The following AK9 variants were observed in gnomAD, a reference collection of about 807,000 sequenced individuals.
AK9 encodes adenylate kinase 9, also known as adenylate kinase domain containing 1.
A neutral mutation model predicts 239.6 loss-of-function variants in AK9; 191 were observed. The ratio of observed to expected loss-of-function variants is 0.80; its 90% CI spans 0.71 to 0.90. AK9 has a LOEUF of 0.90. Among genes scored for constraint, AK9 ranks in the 40% least tolerant of loss-of-function variants. AK9 has a pLI of 0.00. For synonymous variants in AK9, 689 were observed against 721.0 expected (o/e 0.96, Z 0.71); for missense variants, 1,995 against 2,214.7 (o/e 0.90, Z 1.99).
chr6:109,620,230 T>A (rs1005143328), intron 12 of AK9, among the ~76,000 whole-genome samples: 1 of 152,040 alleles, frequency 6.6e-6, no homozygotes, highest in Non-Finnish European at 1.5e-5. Context: ...TAATAAACCA[T>A]CAAACTGTTT....
intron 19 of AK9, among the ~76,000 whole-genome samples, chr6:109,582,902 C>T (rs966559902): frequency 5.3e-5 from 8 of 152,250 alleles, no homozygotes; most frequent in South Asian, 2.1e-4. Flanking sequence ...CTACCCTTAT[C>T]GGTCAGCAGC....
chr6:109,599,211 T>C (rs903762641), intron 17 of AK9, among the ~76,000 whole-genome samples: 1 of 152,246 alleles, frequency 6.6e-6, no homozygotes, highest in South Asian at 2.1e-4. Flanking sequence ...GTTTTAGGTC[T>C]AACATTTAAG....
intron 20 of AK9, 108 bp downstream of exon 20, chr6:109,579,442 G>C: frequency 9.2e-7 from 1 of 1,086,348 alleles, no homozygotes; most frequent in South Asian, 1.6e-5. Context: ...GGCTCTCATG[G>C]ACAAATTGGG....
chr6:109,603,501 T>A (rs1343951840), intron 17 of AK9, among the ~76,000 whole-genome samples: 1 of 152,144 alleles, frequency 6.6e-6, no homozygotes, highest in Non-Finnish European at 1.5e-5. Context: ...TGCCTCCCAG[T>A]TAGGCTACTT....
At chr6:109,624,773 A>T (rs935769543) in intron 12 of AK9, among the ~76,000 whole-genome samples, 19 of 152,302 alleles carry the variant, frequency 1.2e-4, no homozygotes, top group African/African-American at 4.6e-4. Flanking sequence ...AATTTTCTGC[A>T]GTTATCTCTT....
Position 109,644,676 on chromosome 6 carries a change from C to G in AK9, c.772G>C (p.Glu258Gln). ...ILQTLEEVMAEHNPQYLIELN... is the reference protein window; with the variant it reads ...ILQTLEEVMAQHNPQYLIELN... ...TCAATGAGATACTGGGGATTGTGTT[C>G]AGCCATTACTTCCTGCAGATAATAG... Residue 258 changes from glutamate to glutamine, a missense_variant, in exon 9 of 41, where the codon GAA (glutamate) becomes CAA (glutamine). This residue lies in a region of AK9 where 1,290 missense variants were observed against 1,392.7 expected (regional missense o/e 0.93). Coordinates refer to ENST00000424296, the MANE Select transcript of AK9 (RefSeq NM_001145128.3). 6.2e-7 allele frequency: 1 copy of G among 1,612,020 alleles called. No homozygotes were observed. Among genetic ancestry groups the G allele is most frequent in the Non-Finnish European group, 8.5e-7 (1 of 1,179,556 alleles).
rs766116417 is a variant in AK9, at chr6:109,563,671, A to C, written c.2677T>G (p.Tyr893Asp). The change falls in exon 24 of 41, where the codon TAT (tyrosine) becomes GAT (aspartate). Residue 893 changes from tyrosine (Y) to aspartate (D), a missense_variant. Physicochemically the swap from Tyr to Asp is radical, Grantham distance 160. Around this residue, in one of 5 missense-constraint regions of AK9, gnomAD observed 1,290 missense variants for 1,392.7 expected, o/e 0.93. Coordinates refer to ENST00000424296, the MANE Select transcript of AK9 (RefSeq NM_001145128.3). ...YTAWELTGED[Y>D]EEETEDYQTE... ...TGGTAGTCTTCTGTTTCTTCCTCAT[A>C]ATCTTCCCCAGTTAACTCCCATGCA... 2 of 1,550,646 alleles carry C rather than the reference A, an allele frequency of 1.3e-6. No individual in the cohort carries two copies. The highest frequency in any genetic ancestry group is 2.4e-5 in the East Asian group (1 of 40,916).
intron 17 of AK9, among the ~76,000 whole-genome samples, chr6:109,600,403 C>A (rs909178663): frequency 7.9e-5 from 12 of 152,106 alleles, no homozygotes; most frequent in Non-Finnish European, 1.5e-4. Flanking sequence ...TATATTGAAC[C>A]AGCCTTGCAT....
intron 24 of AK9, among the ~76,000 whole-genome samples, chr6:109,551,965 A>G (rs1300896510): frequency 6.6e-6 from 1 of 152,094 alleles, no homozygotes; most frequent in Non-Finnish European, 1.5e-5. Context: ...ATAAGTGCGA[A>G]CATGTGATTT....
chr6:109,636,124 A>C (rs916612436), intron 10 of AK9, among the ~76,000 whole-genome samples: 22 of 152,136 alleles, frequency 1.4e-4, no homozygotes, highest in African/African-American at 4.3e-4. Flanking sequence ...GTGACTCGAA[A>C]GCCAAAATTT....
chr6:109,633,145 G>T lies in AK9; in HGVS notation c.1073+39C>A, dbSNP rs993455151. 4.5e-6 allele frequency: 7 copies of T among 1,567,634 alleles called. No individual in the cohort carries two copies. In the African/African-American group the frequency reaches 9.7e-5, roughly 22 times the overall value. On this transcript the variant is annotated intron_variant, in intron 11 of 40. Transcript: ENST00000424296. Reference sequence around the variant, plus strand: ...TTAGTAAACAACTGAAAAGATGTATGAGGAAGATTTAAAATTAAGTTCTGA... The same window carrying T: ...TTAGTAAACAACTGAAAAGATGTATTAGGAAGATTTAAAATTAAGTTCTGA...
chr6:109,505,793 A>G (rs746427334), intron 35 of AK9, among the ~76,000 whole-genome samples: 1 of 152,204 alleles, frequency 6.6e-6, no homozygotes, highest in Non-Finnish European at 1.5e-5. Context: ...TAGAACAAAC[A>G]TGCCCACGTC....
chr6:109,653,140 T>C (rs1413390540), intron 8 of AK9, among the ~76,000 whole-genome samples: 1 of 152,188 alleles, frequency 6.6e-6, no homozygotes, highest in East Asian at 1.9e-4. Flanking sequence ...GTGGCCAGGC[T>C]GGTCTCAAAC....
In AK9 at chr6:109,509,301, G is replaced by A. The variant is rs1778439188; in HGVS notation, c.4359C>T (p.His1453=). 2 of 1,551,730 alleles carry A rather than the reference G, an allele frequency of 1.3e-6. No individual in the cohort carries two copies. Among genetic ancestry groups the A allele is most frequent in the Non-Finnish European group, 1.7e-6 (2 of 1,146,992 alleles). Reference sequence around the variant, plus strand: ...ACATAAGTGCCAGCTCTGTTTCCGGGTGATTGTTTAGTACATAACGCAAAG... The same window carrying A: ...ACATAAGTGCCAGCTCTGTTTCCGGATGATTGTTTAGTACATAACGCAAAG... ...GGALRYVLNN[H]PETELALMLN... Residue 1453 remains histidine (H), a synonymous_variant, in exon 33 of 41, where the codon CAC becomes CAT. Coordinates refer to ENST00000424296, the MANE Select transcript of AK9 (RefSeq NM_001145128.3).
intron 10 of AK9, among the ~76,000 whole-genome samples, chr6:109,639,174 G>C (rs1797088248): frequency 6.6e-6 from 1 of 152,130 alleles, no homozygotes; most frequent in Non-Finnish European, 1.5e-5. Flanking sequence ...CCCAGTAATG[G>C]GATCTCTGGG....
At position 109,515,850 on chromosome 6, in the gene AK9, A is replaced by C. The variant is rs781716574; in HGVS notation, c.4065+7T>G. On this transcript the variant is annotated splice_region_variant and intron_variant, in intron 31 of 40. Coordinates refer to ENST00000424296, the MANE Select transcript of AK9 (RefSeq NM_001145128.3). The stretch of plus-strand genomic sequence containing the variant: ...ACATGGCTTTCAGGTGCGTTTGCTG[A>C]AATTACCTTTACAGGGTCCCAATAG... The C allele has an allele frequency of 6.5e-7, 1 of 1,545,040 alleles. No individual in the cohort carries two copies. The highest frequency in any genetic ancestry group is 2.0e-5 in the Admixed American group (1 of 50,484).
intron 1 of AK9, 91 bp from the exon 2 acceptor site, chr6:109,675,847 G>A: frequency 1.4e-6 from 1 of 724,680 alleles, no homozygotes; most frequent in Non-Finnish European, 2.3e-6. Context: ...AGTTTTCTTA[G>A]CCCAGAAGTC....
Position 109,506,801 on chromosome 6 carries a change from C to A in AK9, c.4482-1G>T, listed in dbSNP as rs1026180452. On this transcript the variant is annotated splice_acceptor_variant, in intron 33 of 40. Coordinates refer to ENST00000424296, the MANE Select transcript of AK9 (RefSeq NM_001145128.3). LOFTEE classifies it high-confidence loss of function. ...TACAGGATATCCATCGATGACAACA[C>A]TAACAAGGAAAAACATGAAAATAAA... 3 of 1,479,000 alleles carry A rather than the reference C, an allele frequency of 2.0e-6. No homozygotes were observed. The highest frequency in any genetic ancestry group is 2.7e-6 in the Non-Finnish European group (3 of 1,112,420). The allele number at this position is 1,479,000 out of a possible 1,614,324, so 91.6% of individuals were successfully genotyped here.
At chr6:109,540,535 G>C (rs1442044761) in intron 27 of AK9, among the ~76,000 whole-genome samples, 3 of 152,188 alleles carry the variant, frequency 2.0e-5, no homozygotes, top group Non-Finnish European at 4.4e-5. Context: ...GGAATTCCCT[G>C]ACCCCTTGCA....
Sources: gnomAD v4.1 joint callset for allele counts (sites outside exome capture counted in the v4.1 genomes callset) on GRCh38, gnomAD v4.1.1 for gene constraint, gnomAD v4.1.1 regional missense constraint, MANE v1.5 for transcripts, NCBI Gene and HGNC (gene_info 2026-07-23, HGNC 2026-07-21) for gene names.